SPEF2: variants seen among roughly 807,000 people sequenced by gnomAD.
SPEF2 encodes sperm flagella and cilia-associated protein 2.
SPEF2 carries 187 observed loss-of-function variants against 224.6 expected under a neutral mutation model. The ratio of observed to expected loss-of-function variants is 0.83; its 90% CI spans 0.74 to 0.94. The LOEUF (loss-of-function observed/expected upper bound fraction) is 0.94, where lower values mean the gene tolerates loss of function less well. Ranked by LOEUF, SPEF2 falls within the 40% of genes least tolerant of loss-of-function variation. SPEF2 has a pLI of 0.00. For synonymous variants in SPEF2, 715 were observed against 707.3 expected (o/e 1.01, Z -0.17); for missense variants, 2,170 against 2,135.6 (o/e 1.02, Z -0.32).
At chr5:35,773,759 C>A in intron 27 of SPEF2, 134 bp from the exon 28 acceptor site, 1 of 1,023,594 alleles carries the variant, frequency 9.8e-7, no homozygotes, top group Non-Finnish European at 1.3e-6. Context: ...CTGGGAGGAC[C>A]AAGGTTTCAT....
At chr5:35,652,842 A>G (rs1748394808) in intron 6 of SPEF2, among the ~76,000 whole-genome samples, 1 of 152,136 alleles carries the variant, frequency 6.6e-6, no homozygotes, top group Admixed American at 6.6e-5. Flanking sequence ...TGTCTATATA[A>G]GAATTGATGA....
At chr5:35,660,158 C>T (rs903871864) in intron 8 of SPEF2, among the ~76,000 whole-genome samples, 4 of 151,822 alleles carry the variant, frequency 2.6e-5, no homozygotes, top group South Asian at 4.2e-4. Context: ...TATGTGAGTT[C>T]TAGTAAAAAA....
At chr5:35,712,181 A>G (rs1353015600) in intron 19 of SPEF2, among the ~76,000 whole-genome samples, 3 of 152,186 alleles carry the variant, frequency 2.0e-5, no homozygotes, top group Non-Finnish European at 4.4e-5. Context: ...AGGGTGCAAC[A>G]TATCAAAATA....
At chr5:35,809,309 G>A (rs1386880933) in intron 36 of SPEF2, among the ~76,000 whole-genome samples, 1 of 152,100 alleles carries the variant, frequency 6.6e-6, no homozygotes, top group Non-Finnish European at 1.5e-5. Flanking sequence ...CTTTTTGCAA[G>A]ATAATTTTTA....
intron 34 of SPEF2, among the ~76,000 whole-genome samples, chr5:35,801,088 T>C (rs948741822): frequency 1.1e-4 from 17 of 152,204 alleles, no homozygotes; most frequent in African/African-American, 3.9e-4. Context: ...ACATATCTAA[T>C]GAGCTAACAA....
At chr5:35,785,941 A>G (rs2149815182) in intron 30 of SPEF2, among the ~76,000 whole-genome samples, 1 of 152,138 alleles carries the variant, frequency 6.6e-6, no homozygotes, top group Non-Finnish European at 1.5e-5. Flanking sequence ...TTCTTCCTGG[A>G]AAGTTCAGTT....
intron 7 of SPEF2, among the ~76,000 whole-genome samples, chr5:35,658,762 T>C (rs1393582905): frequency 6.6e-6 from 1 of 152,212 alleles, no homozygotes; most frequent in African/African-American, 2.4e-5. Context: ...AATTTATTTC[T>C]AATAATGTTT....
intron 24 of SPEF2, among the ~76,000 whole-genome samples, chr5:35,756,722 C>A (rs1750502680): frequency 6.6e-6 from 1 of 152,210 alleles, no homozygotes; most frequent in Non-Finnish European, 1.5e-5. Flanking sequence ...CAAGATGTTT[C>A]ACAAAACAAG....
chr5:35,705,132 T>C (rs1739489717), intron 17 of SPEF2, among the ~76,000 whole-genome samples: 1 of 152,006 alleles, frequency 6.6e-6, no homozygotes, highest in African/African-American at 2.4e-5. Context: ...CAATATGAAA[T>C]GAACCAGGGA....
Position 35,727,204 on chromosome 5 carries a change from T to C in SPEF2, c.2915-471T>C, listed in dbSNP as rs1051341355. ...CCCCTCTTCTCCTCCCCTGCATCCCTCACCTACTCCAGCTGACTCTTATAA... is the reference window on the plus strand; with the variant it reads ...CCCCTCTTCTCCTCCCCTGCATCCCCCACCTACTCCAGCTGACTCTTATAA... On this transcript the variant is annotated intron_variant, in intron 20 of 36. Coordinates refer to ENST00000356031, the MANE Select transcript of SPEF2 (RefSeq NM_024867.4). 2.6e-5 allele frequency among the ~76,000 whole-genome samples: 4 copies of C among 152,134 alleles called. No individual in the cohort carries two copies. The East Asian group carries it at 7.7e-4, about 29-fold the overall frequency.
chr5:35,672,197 A>G (rs183491027), intron 10 of SPEF2, among the ~76,000 whole-genome samples: 12 of 150,304 alleles, frequency 8.0e-5, no homozygotes, highest in African/African-American at 2.9e-4. Flanking sequence ...ATGCAAATAT[A>G]TTACTCAGAA....
chr5:35,788,241 T>C (rs1380382050), intron 30 of SPEF2: 1 of 702,440 alleles, frequency 1.4e-6, no homozygotes, highest in Non-Finnish European at 2.6e-6. Flanking sequence ...CTCGGGAGAG[T>C]AGAGAACTTA....
At chr5:35,784,778 A>G (rs73747977) in intron 30 of SPEF2, among the ~76,000 whole-genome samples, 7,073 of 152,016 alleles carry the variant, frequency 0.047, 469 homozygotes, top group African/African-American at 0.14. Context: ...GCTTGCAAAG[A>G]ACATGCAGGA....
In SPEF2 at chr5:35,740,214, G is replaced by A. The variant is rs751322523; in HGVS notation, c.3277G>A (p.Asp1093Asn). The A allele has an allele frequency of 1.2e-6, 2 of 1,614,092 alleles. No homozygotes were observed. The highest frequency in any genetic ancestry group is 1.3e-5 in the African/African-American group (1 of 75,030). Reference protein sequence around the residue: ...QWQADFNSLPDDLWDDEETKA... With the variant: ...QWQADFNSLPNDLWDDEETKA... The stretch of plus-strand genomic sequence containing the variant: ...GCAGGCTGATTTCAACTCCCTTCCT[G>A]ATGACCTGTGGGATGATGAGGAAAC... Residue 1093 changes from aspartate (D) to asparagine (N), a missense_variant, in exon 23 of 37, where the codon GAT becomes AAT. Physicochemically the swap from Asp to Asn is conservative, Grantham distance 23. Coordinates refer to ENST00000356031, the MANE Select transcript of SPEF2 (RefSeq NM_024867.4).
At chr5:35,754,262 AATTGCACAGGGCAAG>A (rs536904328) in intron 24 of SPEF2, among the ~76,000 whole-genome samples, 2,053 of 152,330 alleles carry the variant, frequency 0.013, 30 homozygotes, top group Non-Finnish European at 0.019. Context: ...AATTTAAAAA[AATTGCACAGGGCAAG>A]ATTAGAAGAC....
intron 7 of SPEF2, among the ~76,000 whole-genome samples, chr5:35,658,526 G>T (rs750247199): frequency 6.6e-6 from 1 of 152,096 alleles, no homozygotes; most frequent in Non-Finnish European, 1.5e-5. Context: ...GTTAAAATGC[G>T]TACAGCATAA....
At position 35,705,766 on chromosome 5, in the gene SPEF2, A is replaced by G. The variant is rs1302043603; in HGVS notation, c.2623A>G (p.Lys875Glu). ...TAAGGAATCTTTATGTGAAAAAGTA[A>G]AAGAAATTCTTACGACTGAAATAGC... Reference protein sequence around the residue: ...IDKESLCEKVKEILTTEIAKK... With the variant: ...IDKESLCEKVEEILTTEIAKK... Residue 875 changes from lysine to glutamate, a missense_variant, in exon 18 of 37, where the codon AAA becomes GAA. Transcript: ENST00000356031. 3 of 1,534,654 alleles carry G rather than the reference A, an allele frequency of 2.0e-6. No homozygotes were observed. In the African/African-American group the frequency reaches 4.2e-5, roughly 22 times the overall value.
At chr5:35,676,293 TC>T (rs1561178882) in intron 10 of SPEF2, among the ~76,000 whole-genome samples, 12 of 152,176 alleles carry the variant, frequency 7.9e-5, no homozygotes, top group Non-Finnish European at 1.3e-4. Flanking sequence ...TTCTGGGCTT[TC>T]TACTACTGAG....
intron 24 of SPEF2, among the ~76,000 whole-genome samples, chr5:35,755,957 A>G (rs1750380721): frequency 6.6e-6 from 1 of 152,198 alleles, no homozygotes; most frequent in African/African-American, 2.4e-5. Flanking sequence ...AAATTGAGAC[A>G]AACACAGGTG....
Sources: gnomAD v4.1 joint callset for allele counts (sites outside exome capture counted in the v4.1 genomes callset) on GRCh38, gnomAD v4.1.1 for gene constraint, MANE v1.5 for transcripts, NCBI Gene and HGNC (gene_info 2026-07-23, HGNC 2026-07-21) for gene names.